The following GABRB1 variants were observed in gnomAD, a reference collection of about 807,000 sequenced individuals.
GABRB1 encodes the protein gamma-aminobutyric acid receptor subunit beta-1.
Under a neutral mutation model 51.6 loss-of-function variants are expected in GABRB1, and 17 were observed. That is an observed-to-expected ratio of 0.33 (90% CI 0.23 to 0.49). GABRB1 has a LOEUF of 0.49. Ranked by LOEUF, GABRB1 falls within the 20% of genes least tolerant of loss-of-function variation. The pLI is 0.99. For missense variants in GABRB1, 410 were observed against 600.6 expected (o/e 0.68, Z 3.32); for synonymous variants, 247 against 218.9 (o/e 1.13, Z -1.14).
chr4:47,178,684 A>G lies in GABRB1; in HGVS notation c.461+17215A>G, dbSNP rs537252834. On this transcript the variant is annotated intron_variant, in intron 4 of 8. Coordinates refer to ENST00000295454, the MANE Select transcript of GABRB1 (RefSeq NM_000812.4). ...TATAAAAAGGGCAACGATGAATGCC[A>G]TTTTTAGAAAAGATAAAGAGTCTTT... 7.2e-5 allele frequency among the ~76,000 whole-genome samples: 11 copies of G among 152,248 alleles called. No individual in the cohort carries two copies. In the South Asian group the frequency reaches 2.3e-3, roughly 32 times the overall value.
At chr4:47,244,470 C>G (rs1241231415) in intron 4 of GABRB1, among the ~76,000 whole-genome samples, 1 of 152,190 alleles carries the variant, frequency 6.6e-6, no homozygotes, top group Non-Finnish European at 1.5e-5. Flanking sequence ...ACCAGCTCCT[C>G]TTTGTACCTC....
intron 4 of GABRB1, among the ~76,000 whole-genome samples, chr4:47,281,449 A>G (rs750134405): frequency 2.0e-5 from 3 of 152,194 alleles, no homozygotes; most frequent in African/African-American, 4.8e-5. Flanking sequence ...TGTTGGTATG[A>G]ATGTAAATTA....
intron 4 of GABRB1, among the ~76,000 whole-genome samples, chr4:47,317,901 C>T (rs966020655): frequency 6.6e-6 from 1 of 151,884 alleles, no homozygotes; most frequent in Non-Finnish European, 1.5e-5. Context: ...TAACAAATCC[C>T]TCTTGGTCAT....
chr4:47,039,314 T>C (rs1279230469), intron 3 of GABRB1, among the ~76,000 whole-genome samples: 1 of 149,894 alleles, frequency 6.7e-6, no homozygotes, highest in East Asian at 2.0e-4. Context: ...TAAAGGATAA[T>C]TTTCCAGTAG....
At position 47,064,499 on chromosome 4, in the gene GABRB1, G is replaced by T. The variant is rs550424657; in HGVS notation, c.240+32015G>T. On this transcript the variant is annotated intron_variant, in intron 3 of 8. Transcript: ENST00000295454. ...CAAATACAAAAAAAATTAGCCAGGA[G>T]TGGTGGCACATGCCTGTAATCCCAG... 2.0e-5 allele frequency among the ~76,000 whole-genome samples: 3 copies of T among 152,048 alleles called. No individual in the cohort carries two copies. The South Asian group carries it at 6.2e-4, about 32-fold the overall frequency.
intron 4 of GABRB1, among the ~76,000 whole-genome samples, chr4:47,225,447 G>T (rs535591267): frequency 6.6e-6 from 1 of 152,098 alleles, no homozygotes; most frequent in Non-Finnish European, 1.5e-5. Flanking sequence ...AATTAATTTT[G>T]TGTGATTTAT....
intron 3 of GABRB1, among the ~76,000 whole-genome samples, chr4:47,077,850 AT>A (rs1388420370): frequency 1.4e-5 from 2 of 140,106 alleles, no homozygotes; most frequent in African/African-American, 5.3e-5. Flanking sequence ...TTTTATATAT[AT>A]TTTTATATAT....
intron 4 of GABRB1, among the ~76,000 whole-genome samples, chr4:47,297,500 G>C (rs1243339916): frequency 1.3e-5 from 2 of 151,946 alleles, no homozygotes; most frequent in South Asian, 4.2e-4. Flanking sequence ...ATAAACTAGA[G>C]AATCTAGAAG....
At chr4:47,300,069 A>G (rs1724188444) in intron 4 of GABRB1, among the ~76,000 whole-genome samples, 1 of 121,592 alleles carries the variant, frequency 8.2e-6, no homozygotes, top group African/African-American at 3.2e-5. Context: ...GAAGGGGAAC[A>G]TCACATTCTG....
intron 3 of GABRB1, among the ~76,000 whole-genome samples, chr4:47,159,202 A>T (rs1717832066): frequency 6.6e-6 from 1 of 152,052 alleles, no homozygotes; most frequent in South Asian, 2.1e-4. Context: ...GGATTCTTTA[A>T]GCCCAGGAAT....
chr4:47,053,874 C>G (rs944556282), intron 3 of GABRB1, among the ~76,000 whole-genome samples: 9 of 152,178 alleles, frequency 5.9e-5, no homozygotes, highest in South Asian at 2.1e-4. Flanking sequence ...TGAAGAGACT[C>G]TCCCTCAGAG....
chr4:47,092,890 GGT>G (rs1714152429), intron 3 of GABRB1, among the ~76,000 whole-genome samples: 2 of 152,242 alleles, frequency 1.3e-5, no homozygotes, highest in Admixed American at 1.3e-4. Flanking sequence ...TGGGATTACA[GGT>G]GTGAGCCACT....
Position 47,137,989 on chromosome 4 carries a change from A to T in GABRB1, c.241-23260A>T, listed in dbSNP as rs1051642510. Among the ~76,000 whole-genome samples the T allele has an allele frequency of 2.0e-5, 3 of 152,142 alleles. No homozygotes were observed. The South Asian group carries it at 6.2e-4, about 31-fold the overall frequency. ...AATTGTGATTAAGTGGACTATTTCC[A>T]TTGCAGTGAGGTTAAGTTGTCCAGA... On this transcript the variant is annotated intron_variant, in intron 3 of 8. Coordinates refer to ENST00000295454, the MANE Select transcript of GABRB1 (RefSeq NM_000812.4).
chr4:47,272,464 T>C (rs896737892), intron 4 of GABRB1, among the ~76,000 whole-genome samples: 1 of 152,200 alleles, frequency 6.6e-6, no homozygotes, highest in African/African-American at 2.4e-5. Flanking sequence ...AAGATAAGAA[T>C]TCTATAATTC....
At chr4:47,331,637 C>G (rs1196761692) in intron 5 of GABRB1, among the ~76,000 whole-genome samples, 1 of 151,914 alleles carries the variant, frequency 6.6e-6, no homozygotes, top group Non-Finnish European at 1.5e-5. Context: ...TTTTAGGAAA[C>G]AACCAAACAC....
chr4:47,160,958 A>G (rs546645402), intron 3 of GABRB1, among the ~76,000 whole-genome samples: 1 of 151,632 alleles, frequency 6.6e-6, no homozygotes, highest in African/African-American at 2.4e-5. Flanking sequence ...AACTAACTTT[A>G]AAAAAATTAT....
At chr4:47,413,914 T>C (rs774234589) in intron 8 of GABRB1, among the ~76,000 whole-genome samples, 2 of 152,240 alleles carry the variant, frequency 1.3e-5, no homozygotes, top group African/African-American at 2.4e-5. Context: ...TCAGGCATCA[T>C]TTGAAAATAG....
chr4:47,298,042 G>A (rs866419196), intron 4 of GABRB1, among the ~76,000 whole-genome samples: 10 of 151,960 alleles, frequency 6.6e-5, no homozygotes, highest in Non-Finnish European at 8.8e-5. Flanking sequence ...ATTCAACAAC[G>A]CTTCATGCTA....
chr4:47,027,830 A>G (rs1464783240), upstream of GABRB1, among the ~76,000 whole-genome samples: 2 of 151,752 alleles, frequency 1.3e-5, no homozygotes, highest in African/African-American at 4.8e-5. Flanking sequence ...ACAATGAGTG[A>G]TTATAATAAA....
Sources: gnomAD v4.1 joint callset for allele counts (sites outside exome capture counted in the v4.1 genomes callset) on GRCh38, gnomAD v4.1.1 for gene constraint, MANE v1.5 for transcripts, NCBI Gene and HGNC (gene_info 2026-07-23, HGNC 2026-07-21) for gene names.